Variants in TTC39C observed in about 807,000 individuals in gnomAD.
TTC39C encodes the protein tetratricopeptide repeat protein 39C.
In TTC39C, 33 loss-of-function variants were observed where a neutral mutation model predicts 76.3. That is an observed-to-expected ratio of 0.43 (90% CI 0.33 to 0.58). The LOEUF (loss-of-function observed/expected upper bound fraction) is 0.58, where lower values mean the gene tolerates loss of function less well. Ranked by LOEUF, TTC39C falls within the 20% of genes least tolerant of loss-of-function variation. TTC39C has a pLI of 0.04. For synonymous variants in TTC39C, 254 were observed against 260.6 expected (o/e 0.97, Z 0.24); for missense variants, 595 against 701.4 (o/e 0.85, Z 1.71).
intron 1 of TTC39C, chr18:24,001,430 A>C (rs1329776054): frequency 1.3e-5 from 2 of 152,080 alleles, no homozygotes; most frequent in Non-Finnish European, 2.9e-5. Context: ...GGATAAACCA[A>C]CCCTTCTGGT....
rs540559588 is a variant in TTC39C at position 24,132,067 on chromosome 18, A to G, written c.1662+147A>G. 29 of 685,410 alleles carry G rather than the reference A, an allele frequency of 4.2e-5. 1 individual carries two copies. The South Asian group carries it at 6.7e-4, about 16-fold the overall frequency. 42.5% of individuals were successfully genotyped at this position (685,410 alleles called of 1,614,324 possible). ...AAAATGACAACCAATTGAATCAGTGAGCTCTTGAGTTTTAAGGGACATTAC... is the reference window on the plus strand; with the variant it reads ...AAAATGACAACCAATTGAATCAGTGGGCTCTTGAGTTTTAAGGGACATTAC... On this transcript the variant is annotated intron_variant, in intron 13 of 13. Coordinates refer to ENST00000317571, the MANE Select transcript of TTC39C (RefSeq NM_001135993.2).
intron 1 of TTC39C, among the ~76,000 whole-genome samples, chr18:24,048,674 C>A (rs1440306704): frequency 6.6e-6 from 1 of 151,904 alleles, no homozygotes; most frequent in Non-Finnish European, 1.5e-5. Context: ...ATATTGCTTT[C>A]TTTTTGTGCA....
intron 1 of TTC39C, among the ~76,000 whole-genome samples, chr18:24,030,719 A>G (rs1468002992): frequency 7.6e-6 from 1 of 131,882 alleles, no homozygotes; most frequent in Non-Finnish European, 1.5e-5. Context: ...GGCATGATCT[A>G]GACACACTGC....
chr18:24,006,637 G>A (rs1256758586), intron 1 of TTC39C, among the ~76,000 whole-genome samples: 2 of 152,162 alleles, frequency 1.3e-5, no homozygotes, highest in African/African-American at 4.8e-5. Flanking sequence ...GTAAATTAGT[G>A]AGACAGGCGA....
chr18:24,017,369 T>C (rs984030276), intron 1 of TTC39C, among the ~76,000 whole-genome samples: 1 of 152,216 alleles, frequency 6.6e-6, no homozygotes, highest in African/African-American at 2.4e-5. Context: ...TTTGCTTCCT[T>C]ATCTATAAAA....
chr18:24,018,708 G>C (rs1444105496), intron 1 of TTC39C, among the ~76,000 whole-genome samples: 1 of 152,088 alleles, frequency 6.6e-6, no homozygotes, highest in African/African-American at 2.4e-5. Context: ...GGGAGGGGCG[G>C]GGCAAGGAGA....
intron 1 of TTC39C, among the ~76,000 whole-genome samples, chr18:24,002,450 A>G (rs899167971): frequency 6.6e-6 from 1 of 152,242 alleles, no homozygotes; most frequent in African/African-American, 2.4e-5. Context: ...ACCAGCAGCC[A>G]TTTAATGTTT....
At chr18:24,049,700 G>A (rs2083925772) in intron 1 of TTC39C, among the ~76,000 whole-genome samples, 1 of 152,214 alleles carries the variant, frequency 6.6e-6, no homozygotes, top group Non-Finnish European at 1.5e-5. Flanking sequence ...CCATTGAGGA[G>A]AGAGGCAGGA....
rs184154616 is a variant in TTC39C, at chr18:24,132,813, G to T, written c.*239G>T. The stretch of plus-strand genomic sequence containing the variant: ...TAATAACTAACCACCTGGGGAGAGG[G>T]TTAAGTGACCTTGCTCAAACGTTTT... On this transcript the variant is annotated 3_prime_UTR_variant, in exon 14 of 14. Transcript: ENST00000317571. 3 of 385,486 alleles carry T rather than the reference G, an allele frequency of 7.8e-6. No homozygotes were observed. The East Asian group carries it at 1.3e-4, about 16-fold the overall frequency. 23.9% of individuals were successfully genotyped at this position (385,486 alleles called of 1,614,324 possible). A position where few individuals can be genotyped will look rare whatever the true frequency, so the allele number is the denominator to read the frequency against.
chr18:24,028,724 G>T (rs2083627127), intron 1 of TTC39C, among the ~76,000 whole-genome samples: 2 of 152,076 alleles, frequency 1.3e-5, no homozygotes, highest in South Asian at 4.1e-4. Context: ...ATTTTTATTT[G>T]TTTATTATTA....
chr18:24,062,262 A>G (rs1173203410), intron 1 of TTC39C, among the ~76,000 whole-genome samples: 1 of 152,212 alleles, frequency 6.6e-6, no homozygotes, highest in Admixed American at 6.5e-5. Flanking sequence ...TCATTTTTCA[A>G]ATGGCAAAGT....
chr18:24,088,753 C>T (rs972914311), intron 6 of TTC39C, among the ~76,000 whole-genome samples: 5 of 152,194 alleles, frequency 3.3e-5, no homozygotes, highest in African/African-American at 7.2e-5. Context: ...ACCTTTACGT[C>T]GCCATATTCA....
Position 24,128,993 on chromosome 18 carries a change from T to C in TTC39C, c.1518+10T>C. On this transcript the variant is annotated intron_variant, in intron 11 of 13. Transcript: ENST00000317571. ...AGAAGATGCTGTTCAGGTAAACTGTTAATGTTGTCAGGGCTAAAGAAAATA... is the reference window on the plus strand; with the variant it reads ...AGAAGATGCTGTTCAGGTAAACTGTCAATGTTGTCAGGGCTAAAGAAAATA... 1 of 1,608,832 alleles carries C rather than the reference T, an allele frequency of 6.2e-7. No individual in the cohort carries two copies. Among genetic ancestry groups the C allele is most frequent in the Non-Finnish European group, 8.5e-7 (1 of 1,176,330 alleles).
intron 1 of TTC39C, among the ~76,000 whole-genome samples, chr18:24,042,613 A>G (rs2083809774): frequency 6.6e-6 from 1 of 152,112 alleles, no homozygotes. Flanking sequence ...TTTTACGCAC[A>G]TGTGCAAAAC....
chr18:24,072,048 C>T (rs551996347), intron 4 of TTC39C, among the ~76,000 whole-genome samples: 1 of 152,242 alleles, frequency 6.6e-6, no homozygotes, highest in Non-Finnish European at 1.5e-5. Flanking sequence ...GCCTTTGAGA[C>T]ACCCAGTGGG....
intron 1 of TTC39C, chr18:24,020,093 G>A: frequency 7.8e-7 from 1 of 1,288,460 alleles, no homozygotes; most frequent in East Asian, 3.1e-5. Context: ...AGAGTCCACA[G>A]ATGCAGAGAT....
chr18:24,015,309 C>T (rs1349728506), intron 1 of TTC39C: 2 of 326,640 alleles, frequency 6.1e-6, no homozygotes, highest in African/African-American at 4.3e-5. Context: ...CTCACTTTCT[C>T]CCAGCCTCGC....
chr18:23,997,677 A>AGAAAGAAAGAAG (rs1568398812), intron 1 of TTC39C, among the ~76,000 whole-genome samples: 19 of 136,296 alleles, frequency 1.4e-4, no homozygotes, highest in African/African-American at 4.8e-4. Flanking sequence ...AAAGAAAGAA[A>AGAAAGAAAGAAG]GAAAGAAAGA....
intron 1 of TTC39C, among the ~76,000 whole-genome samples, chr18:24,060,253 A>G (rs1439133348): frequency 2.0e-5 from 3 of 151,166 alleles, no homozygotes; most frequent in East Asian, 1.9e-4. Flanking sequence ...TGACTTTTTA[A>G]TAATAACCAT....
Sources: allele counts gnomAD v4.1 joint callset (sites outside exome capture counted in the v4.1 genomes callset), GRCh38; gene constraint gnomAD v4.1.1; transcripts MANE v1.5; gene names NCBI Gene and HGNC (gene_info 2026-07-23, HGNC 2026-07-21).